The following AUTS2 variants were observed in gnomAD, a reference collection of about 807,000 sequenced individuals.
The protein encoded by AUTS2 is activator of transcription and developmental regulator AUTS2.
Under a neutral mutation model 112.4 loss-of-function variants are expected in AUTS2, and 17 were observed. The observed-to-expected ratio is 0.15, with a 90% CI of 0.10 to 0.23. AUTS2 has a LOEUF of 0.23. AUTS2 is among the 10% of genes least tolerant of loss of function. The pLI is 1.00. For missense variants in AUTS2, 1,510 were observed against 1,701.6 expected, an observed-to-expected ratio of 0.89 and a Z score of 1.98; for synonymous variants, 751 against 702.7, an observed-to-expected ratio of 1.07 and a Z score of -1.09.
intron 1 of AUTS2, among the ~76,000 whole-genome samples, chr7:69,839,054 A>G (rs1005260989): frequency 6.6e-6 from 1 of 152,124 alleles, no homozygotes; most frequent in African/African-American, 2.4e-5. Flanking sequence ...TTGTAGCTGC[A>G]TTATTGTAGA....
Position 70,531,839 on chromosome 7 carries a change from A to AC in AUTS2, c.690+96065dup, listed in dbSNP as rs977907138. 3.3e-5 allele frequency among the ~76,000 whole-genome samples: 5 copies of AC among 150,390 alleles called. 2 individuals carry two copies. The South Asian group carries it at 8.5e-4, about 26-fold the overall frequency. On this transcript the variant is annotated intron_variant, in intron 5 of 18. Coordinates refer to ENST00000342771, the MANE Select transcript of AUTS2 (RefSeq NM_015570.4). ...TCAGTTAGCTTTTGTTATATAACAA[A>AC]CCCCCCCAAAACTTAGCGACTTTAA...
intron 1 of AUTS2, among the ~76,000 whole-genome samples, chr7:69,788,165 T>TA (rs1012446628): frequency 6.6e-6 from 1 of 152,044 alleles, no homozygotes. Context: ...AAGCCCCCAG[T>TA]AAAAAATGAC....
At chr7:69,921,097 A>T (rs972862799) in intron 2 of AUTS2, among the ~76,000 whole-genome samples, 1 of 152,348 alleles carries the variant, frequency 6.6e-6, no homozygotes, top group East Asian at 1.9e-4. Context: ...TGGCTTTGGC[A>T]TCAGAGATGG....
chr7:70,236,901 A>G (rs775611829), intron 4 of AUTS2, among the ~76,000 whole-genome samples: 1 of 152,178 alleles, frequency 6.6e-6, no homozygotes, highest in Non-Finnish European at 1.5e-5. Flanking sequence ...CTAGAATAAT[A>G]ATTGTTACTT....
intron 4 of AUTS2, among the ~76,000 whole-genome samples, chr7:70,206,354 C>T (rs1424765427): frequency 2.6e-5 from 4 of 151,810 alleles, no homozygotes; most frequent in African/African-American, 9.7e-5. Context: ...AGAGACAGAC[C>T]TTTTCTATCT....
At chr7:70,752,141 A>G (rs1563172294) in intron 6 of AUTS2, among the ~76,000 whole-genome samples, 1 of 152,022 alleles carries the variant, frequency 6.6e-6, no homozygotes, top group South Asian at 2.1e-4. Flanking sequence ...GACAGCTAAG[A>G]ATCGCGGAAG....
intron 1 of AUTS2, among the ~76,000 whole-genome samples, chr7:69,860,854 A>G (rs1443161706): frequency 6.6e-6 from 1 of 152,210 alleles, no homozygotes; most frequent in Non-Finnish European, 1.5e-5. Context: ...TTAAGGTCAC[A>G]TGATATTTGC....
At chr7:69,849,608 A>G (rs1300405854) in intron 1 of AUTS2, among the ~76,000 whole-genome samples, 1 of 151,830 alleles carries the variant, frequency 6.6e-6, no homozygotes, top group Non-Finnish European at 1.5e-5. Context: ...AATTATATAA[A>G]TGTTATTACA....
intron 2 of AUTS2, among the ~76,000 whole-genome samples, chr7:69,980,799 G>A (rs1184870546): frequency 1.3e-5 from 2 of 152,114 alleles, no homozygotes; most frequent in South Asian, 2.1e-4. Flanking sequence ...TGAAGCCTTG[G>A]CGTCAATTTT....
At chr7:69,664,374 A>T (rs1795935246) in intron 1 of AUTS2, among the ~76,000 whole-genome samples, 1 of 152,222 alleles carries the variant, frequency 6.6e-6, no homozygotes, top group South Asian at 2.1e-4. Context: ...AGGGAAAAAA[A>T]TGAGTTTTGC....
chr7:69,658,281 T>C (rs994408500), intron 1 of AUTS2, among the ~76,000 whole-genome samples: 2 of 152,238 alleles, frequency 1.3e-5, no homozygotes, highest in Non-Finnish European at 2.9e-5. Context: ...TCCTATTATA[T>C]AGCAGGCATA....
At chr7:69,820,918 T>C (rs921375109) in intron 1 of AUTS2, among the ~76,000 whole-genome samples, 6 of 152,214 alleles carry the variant, frequency 3.9e-5, no homozygotes, top group African/African-American at 1.4e-4. Context: ...ACAAGTTGGA[T>C]TCCTGTGAGT....
At chr7:69,708,494 G>C (rs894577753) in intron 1 of AUTS2, among the ~76,000 whole-genome samples, 14 of 152,286 alleles carry the variant, frequency 9.2e-5, no homozygotes, top group East Asian at 7.7e-4. Flanking sequence ...AGCTGTCTTC[G>C]AGGGAAGTGA....
At chr7:69,666,489 A>T (rs1462653410) in intron 1 of AUTS2, among the ~76,000 whole-genome samples, 1 of 152,224 alleles carries the variant, frequency 6.6e-6, no homozygotes, top group Non-Finnish European at 1.5e-5. Context: ...TTCTAAAATA[A>T]AACAAACAGA....
intron 1 of AUTS2, among the ~76,000 whole-genome samples, chr7:69,857,812 G>T (rs372223282): frequency 1.3e-5 from 2 of 149,088 alleles, no homozygotes; most frequent in African/African-American, 5.0e-5. Context: ...GTGAGACTCC[G>T]TCTCAAAAAA....
chr7:70,035,164 C>T (rs983999593), intron 2 of AUTS2, among the ~76,000 whole-genome samples: 29 of 152,302 alleles, frequency 1.9e-4, no homozygotes, highest in Non-Finnish European at 3.5e-4. Flanking sequence ...CTAAAGAATT[C>T]CAAAGTCATG....
intron 4 of AUTS2, among the ~76,000 whole-genome samples, chr7:70,338,816 C>G (rs900651116): frequency 1.8e-4 from 26 of 143,460 alleles, no homozygotes; most frequent in Non-Finnish European, 6.0e-5. Flanking sequence ...CCACCTAACC[C>G]ATCTCCAGCC....
rs1365777407 is a variant in AUTS2 at position 69,876,458 on chromosome 7, T to TTA, written c.310-22819_310-22818dup. 1.2e-3 allele frequency among the ~76,000 whole-genome samples: 129 copies of TTA among 110,272 alleles called. 1 individual carries two copies. Among genetic ancestry groups the TTA allele is most frequent in the Non-Finnish European group, 2.2e-3 (119 of 54,136 alleles). 72.3% of individuals were successfully genotyped at this position (110,272 alleles called of 152,430 possible). ...TATTTTGAGATATATATAAAATACATTATATATATACATAAAATATTTTGT... is the reference window on the plus strand; with the variant it reads ...TATTTTGAGATATATATAAAATACATTATATATATATACATAAAATATTTTGT... On this transcript the variant is annotated intron_variant, in intron 1 of 18. Transcript: ENST00000342771.
intron 6 of AUTS2, among the ~76,000 whole-genome samples, chr7:70,721,652 A>G (rs1786686773): frequency 6.6e-6 from 1 of 152,168 alleles, no homozygotes; most frequent in Non-Finnish European, 1.5e-5. Flanking sequence ...TGCTTGTAGC[A>G]GTTCATGACC....
Sources: gnomAD v4.1 joint callset for allele counts (sites outside exome capture counted in the v4.1 genomes callset) on GRCh38, gnomAD v4.1.1 for gene constraint, MANE v1.5 for transcripts, NCBI Gene and HGNC (gene_info 2026-07-23, HGNC 2026-07-21) for gene names.